ZBTB38: variants seen among roughly 807,000 people sequenced by gnomAD.
ZBTB38 encodes zinc finger and BTB domain containing 38, also known as zinc finger and BTB domain-containing protein 38.
In ZBTB38, 20 loss-of-function variants were observed where a neutral mutation model predicts 76.8. The observed-to-expected ratio is 0.26, with a 90% CI of 0.18 to 0.38. ZBTB38 has a LOEUF of 0.38. ZBTB38 is among the 10% of genes least tolerant of loss of function. The probability of loss-of-function intolerance (pLI) is 1.00; values close to 1 mark genes in which losing one functional copy is unlikely to be tolerated. For synonymous variants in ZBTB38, 504 were observed against 544.2 expected (o/e 0.93, Z 1.03); for missense variants, 1,082 against 1,482.3 (o/e 0.73, Z 4.43).
chr3:141,330,568 C>T (rs1942817387), intron 1 of ZBTB38, among the ~76,000 whole-genome samples: 1 of 152,206 alleles, frequency 6.6e-6, no homozygotes, highest in Non-Finnish European at 1.5e-5. Context: ...TGTTCAGGGA[C>T]CTTGTGTCAG....
In ZBTB38 at chr3:141,447,025, G is replaced by A. The variant is rs2081150732; in HGVS notation, c.*1049G>A. 6.6e-6 allele frequency: 1 copy of A among 152,660 alleles called. No homozygotes were observed. Among genetic ancestry groups the A allele is most frequent in the Non-Finnish European group, 1.5e-5 (1 of 68,090 alleles). 9.5% of individuals were successfully genotyped at this position (152,660 alleles called of 1,614,324 possible). On this transcript the variant is annotated 3_prime_UTR_variant, in exon 6 of 6. Coordinates refer to ENST00000321464, the MANE Select transcript of ZBTB38 (RefSeq NM_001376113.1). ...CCTGCCATCTCCCATTCCACTGAAG[G>A]ACTGTCCAAGAGATTTAGTGCAAGG...
chr3:141,347,562 C>G (rs1943399747), intron 1 of ZBTB38, among the ~76,000 whole-genome samples: 1 of 152,206 alleles, frequency 6.6e-6, no homozygotes, highest in South Asian at 2.1e-4. Context: ...TGCTCTTTGT[C>G]TTACCAGTGC....
Position 141,445,608 on chromosome 3 carries a change from GCATT to G in ZBTB38, c.3223_3226del (p.Phe1075ProfsTer2). 1 of 1,614,200 alleles carries G rather than the reference GCATT, an allele frequency of 6.2e-7. No individual in the cohort carries two copies. The highest frequency in any genetic ancestry group is 8.5e-7 in the Non-Finnish European group (1 of 1,180,036). ...GTTCGTCTGTCAGTATTGCAACAAGGCATTCACCTTGAATGAGACCCTCAAAATC... is the reference window on the plus strand; with the variant it reads ...GTTCGTCTGTCAGTATTGCAACAAGGCACCTTGAATGAGACCCTCAAAATC... On this transcript the variant is annotated frameshift_variant, in exon 6 of 6. Transcript: ENST00000321464. LOFTEE classifies it high-confidence loss of function. This position sits in a 1 kb window ranked among gnomAD's most constrained non-coding sequence, Gnocchi z 6.5.
chr3:141,328,695 A>G (rs967442750), intron 1 of ZBTB38, among the ~76,000 whole-genome samples: 2 of 151,586 alleles, frequency 1.3e-5, no homozygotes, highest in African/African-American at 4.9e-5. Flanking sequence ...GCCCAACCAC[A>G]CCACTCCTGT....
chr3:141,404,483 G>A (rs1172268261), intron 5 of ZBTB38, among the ~76,000 whole-genome samples: 3 of 152,086 alleles, frequency 2.0e-5, no homozygotes, highest in African/African-American at 4.8e-5. Flanking sequence ...GCTAGGCACC[G>A]AGTATACAAA....
At chr3:141,428,047 A>G (rs2076733228) in intron 5 of ZBTB38, among the ~76,000 whole-genome samples, 3 of 152,184 alleles carry the variant, frequency 2.0e-5, no homozygotes, top group Admixed American at 2.0e-4. Flanking sequence ...CCACCCAGCA[A>G]TGCTCAGATC....
At chr3:141,366,257 A>G (rs1044951176), upstream of ZBTB38, 1 of 152,170 alleles carries the variant, frequency 6.6e-6, no homozygotes, top group African/African-American at 2.4e-5. Flanking sequence ...ATGCAGGGTG[A>G]AGAAATAATC....
chr3:141,442,394 A>G lies in ZBTB38; in HGVS notation c.6A>G (p.Thr2=). ...TTTCTCTCCTCTTGTTTCAGATGAC[A>G]GTCATGTCCCTTTCCAGGGACCTCA... The part of the protein sequence containing the change: M[T]VMSLSRDLKD... The change falls in exon 6 of 6, where the codon ACA becomes ACG. Residue 2 remains threonine, a synonymous_variant. Transcript: ENST00000321464. The surrounding 1 kb of genome is among the most constrained non-coding windows in gnomAD (Gnocchi z 6.4). The G allele has an allele frequency of 6.2e-7, 1 of 1,606,290 alleles. No homozygotes were observed. Among genetic ancestry groups the G allele is most frequent in the South Asian group, 1.1e-5 (1 of 90,672 alleles).
At chr3:141,410,109 A>G (rs1956145181) in intron 5 of ZBTB38, among the ~76,000 whole-genome samples, 1 of 152,174 alleles carries the variant, frequency 6.6e-6, no homozygotes, top group South Asian at 2.1e-4. Flanking sequence ...TTTTGAGCAG[A>G]AAAGCAGAGG....
chr3:141,341,945 A>AC (rs1943208370), intron 1 of ZBTB38, among the ~76,000 whole-genome samples: 1 of 152,114 alleles, frequency 6.6e-6, no homozygotes, highest in Admixed American at 6.5e-5. Context: ...TTTTAAAAAA[A>AC]AGCATACTGA....
At chr3:141,347,697 G>C (rs770743137) in intron 1 of ZBTB38, among the ~76,000 whole-genome samples, 37 of 152,246 alleles carry the variant, frequency 2.4e-4, no homozygotes, top group Non-Finnish European at 4.1e-4. Flanking sequence ...AAGCCTCTCA[G>C]ATGTGGATGG....
At chr3:141,345,975 G>A (rs1321600070) in intron 1 of ZBTB38, among the ~76,000 whole-genome samples, 3 of 152,166 alleles carry the variant, frequency 2.0e-5, no homozygotes, top group Non-Finnish European at 2.9e-5. Flanking sequence ...GTTCCCGGCA[G>A]GGCTTCGGGG....
chr3:141,350,932 A>G (rs1576664529), intron 1 of ZBTB38, among the ~76,000 whole-genome samples: 2 of 152,362 alleles, frequency 1.3e-5, no homozygotes, highest in East Asian at 3.9e-4. Flanking sequence ...CTACCAGAAG[A>G]AATGTCTGAA....
chr3:141,395,962 A>T (rs1950266670), intron 4 of ZBTB38, among the ~76,000 whole-genome samples: 1 of 152,252 alleles, frequency 6.6e-6, no homozygotes, highest in African/African-American at 2.4e-5. Flanking sequence ...AGCCTTCAGC[A>T]AGTCATAATC....
At chr3:141,428,165 T>G (rs1036472050) in intron 5 of ZBTB38, among the ~76,000 whole-genome samples, 1 of 152,218 alleles carries the variant, frequency 6.6e-6, no homozygotes, top group Non-Finnish European at 1.5e-5. Flanking sequence ...CTCTGTGATT[T>G]CTTGGCATAT....
intron 5 of ZBTB38, among the ~76,000 whole-genome samples, chr3:141,412,865 G>A (rs75092195): frequency 0.024 from 3,571 of 151,494 alleles, 66 homozygotes; most frequent in East Asian, 0.056. Flanking sequence ...AGTTTTTGTC[G>A]CTTTTCCATA....
At chr3:141,365,022 A>C (rs1319437376), upstream of ZBTB38, among the ~76,000 whole-genome samples, 1 of 152,206 alleles carries the variant, frequency 6.6e-6, no homozygotes, top group Non-Finnish European at 1.5e-5. Context: ...ATCACTCAGC[A>C]ATCCCACTCT....
intron 1 of ZBTB38, among the ~76,000 whole-genome samples, chr3:141,324,789 G>A (rs1218901008): frequency 6.6e-6 from 1 of 152,166 alleles, no homozygotes; most frequent in Non-Finnish European, 1.5e-5. Flanking sequence ...ATCATGTGAC[G>A]ATAACAGTCT....
chr3:141,414,950 A>C (rs1048853312), intron 5 of ZBTB38, among the ~76,000 whole-genome samples: 4 of 149,534 alleles, frequency 2.7e-5, no homozygotes, highest in African/African-American at 9.9e-5. Context: ...CATATCTTTT[A>C]ACCCTGCCCT....
Sources: allele counts gnomAD v4.1 joint callset (sites outside exome capture counted in the v4.1 genomes callset), GRCh38; gene constraint gnomAD v4.1.1; non-coding constraint Gnocchi (gnomAD v3.1); transcripts MANE v1.5; gene names NCBI Gene and HGNC (gene_info 2026-07-23, HGNC 2026-07-21).